The following CDH12 variants were observed in gnomAD, a reference collection of about 807,000 sequenced individuals.
The protein encoded by CDH12 is cadherin 12.
In CDH12, 41 loss-of-function variants were observed where a neutral mutation model predicts 74.1. The ratio of observed to expected loss-of-function variants is 0.55; its 90% CI spans 0.43 to 0.72. The LOEUF is 0.72. CDH12 is among the 30% of genes least tolerant of loss of function. The pLI, the probability that CDH12 is intolerant of heterozygous loss-of-function variation, is 0.00. For synonymous variants in CDH12, 399 were observed against 355.0 expected (o/e 1.12, Z -1.39); for missense variants, 945 against 977.2 (o/e 0.97, Z 0.44).
chr5:22,635,875 A>C (rs1738816986), intron 1 of CDH12, among the ~76,000 whole-genome samples: 1 of 152,086 alleles, frequency 6.6e-6, no homozygotes, highest in East Asian at 1.9e-4. Flanking sequence ...GATTGTGCCC[A>C]CTGCTCCAGC....
intron 9 of CDH12, among the ~76,000 whole-genome samples, chr5:21,808,860 G>A (rs556850567): frequency 6.6e-6 from 1 of 152,078 alleles, no homozygotes; most frequent in East Asian, 1.9e-4. Flanking sequence ...CACTATATCA[G>A]GTGAGAATGT....
At chr5:22,362,307 G>T (rs1204868780) in intron 3 of CDH12, among the ~76,000 whole-genome samples, 7 of 152,180 alleles carry the variant, frequency 4.6e-5, no homozygotes, top group Admixed American at 6.5e-5. Flanking sequence ...AGACATCTAT[G>T]CAGCCAACAG....
intron 4 of CDH12, among the ~76,000 whole-genome samples, chr5:22,184,050 T>C (rs1749796999): frequency 6.6e-6 from 1 of 152,072 alleles, no homozygotes; most frequent in Non-Finnish European, 1.5e-5. Flanking sequence ...AGTATGGAAT[T>C]AGAGAAACCT....
intron 4 of CDH12, among the ~76,000 whole-genome samples, chr5:22,205,694 C>T (rs1199329456): frequency 2.0e-5 from 3 of 151,970 alleles, no homozygotes; most frequent in African/African-American, 7.2e-5. Flanking sequence ...AGTCTTAAGG[C>T]TACATTGCTA....
intron 4 of CDH12, among the ~76,000 whole-genome samples, chr5:22,186,309 C>A (rs952059610): frequency 6.6e-6 from 1 of 152,146 alleles, no homozygotes; most frequent in South Asian, 2.1e-4. Flanking sequence ...CCTTCACCCA[C>A]TTCATTTTGA....
intron 1 of CDH12, among the ~76,000 whole-genome samples, chr5:22,761,211 C>G (rs7713148): frequency 0.49 from 74,639 of 151,970 alleles, 18,339 homozygotes; most frequent in East Asian, 0.55. Context: ...CATAAAATTG[C>G]CACCCAGCTT....
intron 1 of CDH12, among the ~76,000 whole-genome samples, chr5:22,536,888 T>C (rs1038720506): frequency 1.3e-5 from 2 of 152,166 alleles, no homozygotes; most frequent in Admixed American, 1.3e-4. Context: ...CTTTTTGTGG[T>C]TTTTCTGATA....
intron 1 of CDH12, among the ~76,000 whole-genome samples, chr5:22,821,468 T>C (rs913162940): frequency 1.1e-4 from 17 of 152,292 alleles, no homozygotes; most frequent in African/African-American, 3.9e-4. Context: ...GATGACATGA[T>C]TGTATATCTA....
At chr5:22,740,206 G>A (rs1744948447) in intron 1 of CDH12, among the ~76,000 whole-genome samples, 1 of 152,020 alleles carries the variant, frequency 6.6e-6, no homozygotes, top group Non-Finnish European at 1.5e-5. Flanking sequence ...GTATTTAACA[G>A]GAAAAGAAGC....
chr5:22,720,807 GCTA>G (rs547310222), intron 1 of CDH12, among the ~76,000 whole-genome samples: 31 of 152,296 alleles, frequency 2.0e-4, no homozygotes, highest in Middle Eastern at 3.4e-3. Flanking sequence ...GGTCACCCTT[GCTA>G]TGGTTTAGCA....
At chr5:21,984,354 T>A (rs1757428635) in intron 5 of CDH12, among the ~76,000 whole-genome samples, 1 of 152,220 alleles carries the variant, frequency 6.6e-6, no homozygotes, top group African/African-American at 2.4e-5. Context: ...CTATATTTTA[T>A]GCATTCTCAA....
At chr5:22,202,144 T>C (rs1750956311) in intron 4 of CDH12, among the ~76,000 whole-genome samples, 1 of 129,852 alleles carries the variant, frequency 7.7e-6, no homozygotes, top group Non-Finnish European at 1.6e-5. Flanking sequence ...CCTCCCTCCC[T>C]ACTTTCCTTC....
chr5:21,802,065 A>T, intron 10 of CDH12, 102 bp downstream of exon 10: 1 of 946,098 alleles, frequency 1.1e-6, no homozygotes, highest in Non-Finnish European at 1.6e-6. Flanking sequence ...TTCTATAATT[A>T]AATCATCATG....
intron 6 of CDH12, among the ~76,000 whole-genome samples, chr5:21,885,955 T>C (rs1752606384): frequency 6.6e-6 from 1 of 152,210 alleles, no homozygotes; most frequent in African/African-American, 2.4e-5. Flanking sequence ...CCCCAGCATA[T>C]CTTCCAAACA....
chr5:21,900,186 C>G (rs1038776449), intron 6 of CDH12, among the ~76,000 whole-genome samples: 2 of 152,060 alleles, frequency 1.3e-5, no homozygotes, highest in Non-Finnish European at 2.9e-5. Flanking sequence ...ATTCATGAAT[C>G]CCAGAGCATA....
At chr5:22,755,958 A>T (rs184653547) in intron 1 of CDH12, among the ~76,000 whole-genome samples, 3 of 152,058 alleles carry the variant, frequency 2.0e-5, no homozygotes, top group Admixed American at 6.5e-5. Context: ...CTTTTATTAT[A>T]ATTTTATTTA....
chr5:22,140,885 A>G, intron 4 of CDH12, among the ~76,000 whole-genome samples: 1 of 152,166 alleles, frequency 6.6e-6, no homozygotes, highest in Non-Finnish European at 1.5e-5. Context: ...ATCTTCTCTC[A>G]GTCTGTCCTC....
At chr5:22,020,228 G>C (rs1271043418) in intron 5 of CDH12, among the ~76,000 whole-genome samples, 1 of 152,080 alleles carries the variant, frequency 6.6e-6, no homozygotes, top group Non-Finnish European at 1.5e-5. Flanking sequence ...TTAAAGAAGA[G>C]AAATGAGTTT....
chr5:21,952,663 G>A (rs182665282), intron 6 of CDH12, among the ~76,000 whole-genome samples: 1 of 152,274 alleles, frequency 6.6e-6, no homozygotes, highest in East Asian at 1.9e-4. Context: ...CTTCAGGATA[G>A]ACACTATACT....
Sources: gnomAD v4.1 joint callset for allele counts (sites outside exome capture counted in the v4.1 genomes callset) on GRCh38, gnomAD v4.1.1 for gene constraint, MANE v1.5 for transcripts, NCBI Gene and HGNC (gene_info 2026-07-23, HGNC 2026-07-21) for gene names.